MUC5AC: variants seen among roughly 807,000 people sequenced by gnomAD.
MUC5AC encodes mucin-5AC.
MUC5AC carries 158 observed loss-of-function variants against 169.7 expected under a neutral mutation model. The ratio of observed to expected loss-of-function variants is 0.93; its 90% confidence interval spans 0.82 to 1.06. MUC5AC has a LOEUF of 1.06. Ranked by LOEUF, MUC5AC falls within the 50% of genes least tolerant of loss-of-function variation. MUC5AC has a pLI of 0.00. For missense variants in MUC5AC, 4,359 were observed against 3,089.9 expected (o/e 1.41, Z -9.74); for synonymous variants, 1,975 against 1,237.0 (o/e 1.60, Z -12.52).
At chr11:1,181,717 G>A (rs891704747) in intron 30 of MUC5AC, among the ~76,000 whole-genome samples, 5 of 152,280 alleles carry the variant, frequency 3.3e-5, no homozygotes, top group African/African-American at 4.8e-5. Context: ...AGCAGCCCCC[G>A]GGCCTGGCCT....
Position 1,163,977 on chromosome 11 carries a change from T to G in MUC5AC, c.775T>G (p.Cys259Gly), listed in dbSNP as rs1200533004. 3 of 1,610,774 alleles carry G rather than the reference T, an allele frequency of 1.9e-6. No individual in the cohort carries two copies. The highest frequency in any genetic ancestry group is 2.5e-6 in the Non-Finnish European group (3 of 1,179,160). Reference sequence around the variant, plus strand: ...CCCTGTCCCTGAACCCCCGAGGAACTGCTCCACTGGCTTTGTAAGCCTTGG... The same window carrying G: ...CCCTGTCCCTGAACCCCCGAGGAACGGCTCCACTGGCTTTGTAAGCCTTGG... ...QDPVPEPPRNCSTGFGICEEL... is the reference protein window; with the variant it reads ...QDPVPEPPRNGSTGFGICEEL... The change falls in exon 7 of 49, where the codon TGC becomes GGC. Residue 259 changes from cysteine (C) to glycine (G), a missense_variant. Coordinates refer to ENST00000621226, the MANE Select transcript of MUC5AC (RefSeq NM_001304359.2).
intron 30 of MUC5AC, among the ~76,000 whole-genome samples, chr11:1,181,848 C>T (rs1297760371): frequency 1.3e-5 from 2 of 152,222 alleles, no homozygotes; most frequent in Non-Finnish European, 2.9e-5. Flanking sequence ...GGGGATGTCT[C>T]AGGGCCCCAA....
intron 30 of MUC5AC, 57 bp from the exon 31 acceptor site, chr11:1,182,098 C>CGGGGCGGCCCCCAAGTGCG (rs1423126647): frequency 2.5e-6 from 1 of 398,380 alleles, no homozygotes; most frequent in African/African-American, 2.1e-5. Context: ...CAGGGAGGGG[C>CGGGGCGGCCCCCAAGTGCG]GGGCGGCCCC....
In MUC5AC at chr11:1,169,278, C is replaced by T. The variant is rs997325240; in HGVS notation, c.1870+252C>T. On this transcript the variant is annotated intron_variant, in intron 15 of 48. Coordinates refer to ENST00000621226, the MANE Select transcript of MUC5AC (RefSeq NM_001304359.2). The stretch of plus-strand genomic sequence containing the variant: ...TCTGTTGGTCAACATCCGCCCTGAC[C>T]GCCTACCCCTGCACAGGGTGGAGTG... 35 of 678,938 alleles carry T rather than the reference C, an allele frequency of 5.2e-5. No individual in the cohort carries two copies. The East Asian group carries it at 5.4e-4, about 10-fold the overall frequency. 42.1% of individuals were successfully genotyped at this position (678,938 alleles called of 1,614,324 possible).
intron 15 of MUC5AC, among the ~76,000 whole-genome samples, chr11:1,170,955 T>C (rs1860497995): frequency 1.3e-4 from 2 of 15,618 alleles, no homozygotes; most frequent in African/African-American, 4.1e-4. Flanking sequence ...ACTCACCTAC[T>C]CACTCACCCA....
At position 1,192,484 on chromosome 11, in the gene MUC5AC, A is replaced by G; in HGVS notation, c.14339A>G (p.Gln4780Arg). Reference sequence around the variant, plus strand: ...TCCAGCTCTGTGGCTTACTCCACCCAAACCTGCTTCTGCAACGTGGCTGAC... The same window carrying G: ...TCCAGCTCTGTGGCTTACTCCACCCGAACCTGCTTCTGCAACGTGGCTGAC... ...VASSSVAYST[Q>R]TCFCNVADRL... Residue 4780 changes from glutamine (Q) to arginine (R), a missense_variant, in exon 31 of 49, where the codon CAA becomes CGA. By Grantham distance (43) the Gln-to-Arg change is conservative. Coordinates refer to ENST00000621226, the MANE Select transcript of MUC5AC (RefSeq NM_001304359.2). The G allele has an allele frequency of 3.9e-6, 3 of 765,020 alleles. No individual in the cohort carries two copies. Among genetic ancestry groups the G allele is most frequent in the Non-Finnish European group, 7.2e-6 (3 of 417,842 alleles). 47.4% of individuals were successfully genotyped at this position (765,020 alleles called of 1,614,324 possible).
rs1860623455 is a variant in MUC5AC at position 1,174,446 on chromosome 11, C to A, written c.1966-50C>A. Reference sequence around the variant, plus strand: ...GTGGCCTGCAGGGCGTGGGGGGCCACCAGGTGTGGGCTGGGGTCTCTGATG... The same window carrying A: ...GTGGCCTGCAGGGCGTGGGGGGCCAACAGGTGTGGGCTGGGGTCTCTGATG... On this transcript the variant is annotated intron_variant, in intron 16 of 48. Coordinates refer to ENST00000621226, the MANE Select transcript of MUC5AC (RefSeq NM_001304359.2). 7 of 1,182,966 alleles carry A rather than the reference C, an allele frequency of 5.9e-6. No individual in the cohort carries two copies. In the Admixed American group the frequency reaches 1.3e-4, roughly 22 times the overall value. The allele number at this position is 1,182,966 out of a possible 1,614,324, so 73.3% of individuals were successfully genotyped here.
intron 16 of MUC5AC, among the ~76,000 whole-genome samples, chr11:1,173,033 TTCAC>T (rs1250111546): frequency 1.3e-4 from 18 of 141,642 alleles, no homozygotes; most frequent in Admixed American, 3.5e-4. Context: ...CACTCACCCA[TTCAC>T]TCACTCATTC....
At chr11:1,179,283 A>AT in intron 26 of MUC5AC, 35 bp downstream of exon 26, 1 of 504,094 alleles carries the variant, frequency 2.0e-6, no homozygotes, top group Non-Finnish European at 3.6e-6. Flanking sequence ...AAGAACAGGA[A>AT]GCGCCGGCAG....
chr11:1,164,287 T>G lies in MUC5AC; in HGVS notation c.971T>G (p.Leu324Trp). The G allele has an allele frequency of 6.2e-7, 1 of 1,612,542 alleles. No individual in the cohort carries two copies. Among genetic ancestry groups the G allele is most frequent in the Admixed American group, 1.7e-5 (1 of 60,024 alleles). Residue 324 changes from leucine to tryptophan, a missense_variant, in exon 8 of 49, where the codon TTG (leucine) becomes TGG (tryptophan). Leu to Trp is a moderately conservative substitution (Grantham distance 61). Transcript: ENST00000621226. Reference protein sequence around the residue: ...YSRQCTHAGGLPQDWRGPDFC... With the variant: ...YSRQCTHAGGWPQDWRGPDFC... Reference sequence around the variant, plus strand: ...CGGCAGTGCACCCATGCAGGGGGGTTGCCCCAGGACTGGCGGGGCCCTGAC... The same window carrying G: ...CGGCAGTGCACCCATGCAGGGGGGTGGCCCCAGGACTGGCGGGGCCCTGAC...
chr11:1,167,788 G>C, intron 11 of MUC5AC, 89 bp from the exon 12 acceptor site: 1 of 1,120,126 alleles, frequency 8.9e-7, no homozygotes, highest in East Asian at 2.6e-5. Context: ...TCTAGTGAGG[G>C]AGAGGAGCAC....
At chr11:1,197,750 G>A (rs765602984) in intron 41 of MUC5AC, 111 bp downstream of exon 41, 7 of 630,578 alleles carry the variant, frequency 1.1e-5, no homozygotes, top group East Asian at 5.5e-5. Flanking sequence ...CAGTGCCTAC[G>A]AGGGCGTCCC....
chr11:1,172,022 G>A (rs943114762), intron 15 of MUC5AC, among the ~76,000 whole-genome samples: 2 of 152,316 alleles, frequency 1.3e-5, no homozygotes, highest in East Asian at 3.9e-4. Context: ...GGCGCCAGCC[G>A]TGGGGAGGTG....
chr11:1,171,468 C>T (rs1331979256), intron 15 of MUC5AC, among the ~76,000 whole-genome samples: 1,905 of 120,652 alleles, frequency 0.016, no homozygotes, highest in Non-Finnish European at 0.021. Context: ...CATTCACCCC[C>T]TCACTCACCC....
At chr11:1,195,778 G>A (rs995536035) in intron 36 of MUC5AC, 98 bp from the exon 37 acceptor site, 12 of 648,880 alleles carry the variant, frequency 1.8e-5, no homozygotes, top group Admixed American at 1.3e-4. Context: ...TCTGGGACTC[G>A]CCTCGCCTGG....
intron 15 of MUC5AC, among the ~76,000 whole-genome samples, chr11:1,171,657 C>CTACT (rs1860545384): frequency 9.0e-6 from 1 of 110,936 alleles, no homozygotes; most frequent in Non-Finnish European, 1.9e-5. Flanking sequence ...ACTCACTCAC[C>CTACT]CATTCACCCA....
rs1187268219 is a variant in MUC5AC, at chr11:1,197,536, C to T, written c.15930C>T (p.Cys5310=). 3 of 716,808 alleles carry T rather than the reference C, an allele frequency of 4.2e-6. No homozygotes were observed. Among genetic ancestry groups the T allele is most frequent in the African/African-American group, 1.7e-5 (1 of 57,802 alleles). The allele number at this position is 716,808 out of a possible 1,614,324, so 44.4% of individuals were successfully genotyped here. A position where few individuals can be genotyped will look rare whatever the true frequency, so the allele number is the denominator to read the frequency against. Residue 5310 remains cysteine, a synonymous_variant, in exon 41 of 49, where the codon TGC becomes TGT. Coordinates refer to ENST00000621226, the MANE Select transcript of MUC5AC (RefSeq NM_001304359.2). ...AGGCGGCCACGTGGACGCTGACCTG[C>T]CGACCCAAGCTCTGCCCGCTGCCCC... ...TCEAATWTLT[C]RPKLCPLPPA...
At chr11:1,166,527 C>T (rs28663200) in intron 11 of MUC5AC, among the ~76,000 whole-genome samples, 5 of 108,690 alleles carry the variant, frequency 4.6e-5, no homozygotes, top group Admixed American at 9.4e-5. Context: ...AGTCTCTCCA[C>T]GATGAGACCC....
intron 12 of MUC5AC, 49 bp from the exon 13 acceptor site, chr11:1,168,434 G>A (rs1403947577): frequency 1.3e-6 from 2 of 1,573,408 alleles, no homozygotes; most frequent in African/African-American, 1.3e-5. Context: ...GCGGGGCTGA[G>A]GTGCCGCAAG....
Sources: allele counts gnomAD v4.1 joint callset (sites outside exome capture counted in the v4.1 genomes callset), GRCh38; gene constraint gnomAD v4.1.1; transcripts MANE v1.5; gene names NCBI Gene and HGNC (gene_info 2026-07-23, HGNC 2026-07-21).